Variants in STXBP5L observed in about 807,000 individuals in gnomAD.
STXBP5L encodes syntaxin-binding protein 5-like.
A neutral mutation model predicts 144.5 loss-of-function variants in STXBP5L; 65 were observed. That is an observed-to-expected ratio of 0.45 (90% confidence interval 0.37 to 0.55). The LOEUF (loss-of-function observed/expected upper bound fraction) is 0.55, where lower values mean the gene tolerates loss of function less well. Among genes scored for constraint, STXBP5L ranks in the 20% least tolerant of loss-of-function variants. The pLI, the probability that STXBP5L is intolerant of heterozygous loss-of-function variation, is 0.00. For synonymous variants in STXBP5L, 505 were observed against 469.6 expected, an observed-to-expected ratio of 1.08 and a Z score of -0.97; for missense variants, 1,298 against 1,405.5, an observed-to-expected ratio of 0.92 and a Z score of 1.22.
chr3:120,943,016 A>G (rs1294646449), intron 2 of STXBP5L, among the ~76,000 whole-genome samples: 1 of 151,738 alleles, frequency 6.6e-6, no homozygotes, highest in Non-Finnish European at 1.5e-5. Context: ...TAATGTCAAT[A>G]CAAATCCTTA....
At chr3:121,144,829 TA>T (rs1272782793) in intron 7 of STXBP5L, among the ~76,000 whole-genome samples, 6 of 151,930 alleles carry the variant, frequency 3.9e-5, no homozygotes, top group African/African-American at 1.4e-4. Flanking sequence ...TCAGCCTTAA[TA>T]AATAAGGAAA....
intron 3 of STXBP5L, among the ~76,000 whole-genome samples, chr3:121,022,080 G>C (rs1432317255): frequency 6.6e-6 from 1 of 152,000 alleles, no homozygotes; most frequent in Non-Finnish European, 1.5e-5. Flanking sequence ...AAATGAAACA[G>C]GAGATATTAC....
Position 121,017,617 on chromosome 3 carries a change from G to A in STXBP5L, c.288-24083G>A, listed in dbSNP as rs867332096. On this transcript the variant is annotated intron_variant, in intron 3 of 26. Coordinates refer to ENST00000471454, the MANE Select transcript of STXBP5L (RefSeq NM_001308330.2). The stretch of plus-strand genomic sequence containing the variant: ...CAGGATATGAGGTTAATATATGTAA[G>A]TCAGTTGCTTTCTTATATACCAGCA... Among the ~76,000 whole-genome samples the A allele has an allele frequency of 1.1e-4, 16 of 152,334 alleles. No individual in the cohort carries two copies. In the Middle Eastern group the frequency reaches 0.02, roughly 194 times the overall value.
intron 3 of STXBP5L, among the ~76,000 whole-genome samples, chr3:121,018,079 AAATG>A (rs767430655): frequency 6.1e-4 from 91 of 149,080 alleles, no homozygotes; most frequent in African/African-American, 1.7e-3. Flanking sequence ...GCCCTTTTTC[AAATG>A]AATGAATGAA....
rs971967822 is a variant in STXBP5L, at chr3:121,342,515, G to T, written c.2176+23975G>T. 1.6e-4 allele frequency among the ~76,000 whole-genome samples: 15 copies of T among 91,870 alleles called. 1 individual carries two copies. Among genetic ancestry groups the T allele is most frequent in the South Asian group, 6.8e-4 (2 of 2,940 alleles). 60.3% of individuals were successfully genotyped at this position (91,870 alleles called of 152,430 possible). On this transcript the variant is annotated intron_variant, in intron 20 of 26. Transcript: ENST00000471454. ...TTCCCCCCTCCCCCCACCCCACAAC[G>T]GTCCCCAGAGTGTGATGTTCCCCTT...
chr3:121,355,044 G>A (rs906794909), intron 20 of STXBP5L, among the ~76,000 whole-genome samples: 7 of 152,184 alleles, frequency 4.6e-5, no homozygotes, highest in African/African-American at 1.2e-4. Context: ...TAGGGTTTCT[G>A]CCAAGAGATC....
intron 6 of STXBP5L, 49 bp downstream of exon 6, chr3:121,115,108 G>T (rs1323618390): frequency 1.9e-6 from 3 of 1,538,622 alleles, no homozygotes; most frequent in Non-Finnish European, 2.6e-6. Flanking sequence ...ACTTCATACA[G>T]TTATGTAACA....
intron 9 of STXBP5L, among the ~76,000 whole-genome samples, chr3:121,188,103 T>C (rs2047476916): frequency 6.6e-6 from 1 of 152,090 alleles, no homozygotes; most frequent in South Asian, 2.1e-4. Flanking sequence ...TTTAACACTC[T>C]ACTGTCAGTA....
intron 18 of STXBP5L, among the ~76,000 whole-genome samples, chr3:121,259,771 G>A (rs986473615): frequency 3.3e-5 from 5 of 150,790 alleles, no homozygotes; most frequent in Non-Finnish European, 7.4e-5. Flanking sequence ...TTATGTTCAT[G>A]TATGCCAGTT....
chr3:121,366,539 G>T (rs990661861), intron 20 of STXBP5L, among the ~76,000 whole-genome samples: 12 of 151,868 alleles, frequency 7.9e-5, no homozygotes, highest in African/African-American at 2.9e-4. Context: ...AGACCATTTT[G>T]TCTGATATTG....
intron 20 of STXBP5L, among the ~76,000 whole-genome samples, chr3:121,356,247 A>G (rs1014853052): frequency 9.2e-5 from 14 of 152,238 alleles, no homozygotes; most frequent in African/African-American, 3.4e-4. Context: ...GGGACATTTA[A>G]GTCTGCAGAA....
chr3:121,038,915 T>G (rs940470224), intron 3 of STXBP5L, among the ~76,000 whole-genome samples: 6 of 151,980 alleles, frequency 3.9e-5, no homozygotes, highest in Admixed American at 3.3e-4. Context: ...TCCACCTATA[T>G]CTTAATTAAT....
rs529194761 is a variant in STXBP5L, at chr3:121,407,882, A to G, written c.2948+279A>G. On this transcript the variant is annotated intron_variant, in intron 23 of 26. Coordinates refer to ENST00000471454, the MANE Select transcript of STXBP5L (RefSeq NM_001308330.2). ...CTAAGAAAAGAATGATTTTTCAATC[A>G]TTCAACAAATATTTATTGAGCATAT... Among the ~76,000 whole-genome samples, 4 of 152,168 alleles carry G rather than the reference A, an allele frequency of 2.6e-5. No homozygotes were observed. In the South Asian group the frequency reaches 8.3e-4, roughly 31 times the overall value.
rs1276720705 is a variant in STXBP5L at position 121,423,889 on chromosome 3, C to A, written c.*4792C>A. On this transcript the variant is annotated 3_prime_UTR_variant, in exon 27 of 27. Transcript: ENST00000471454. ...TGAGAATTTCTGACCAGGCAGTGCT[C>A]CATCAACTCTTAATAATCATCTTTG... 1 of 152,178 alleles carries A rather than the reference C, an allele frequency of 6.6e-6. No individual in the cohort carries two copies. The highest frequency in any genetic ancestry group is 2.4e-5 in the African/African-American group (1 of 41,426). The allele number at this position is 152,178 out of a possible 1,614,324, so 9.4% of individuals were successfully genotyped here. A position where few individuals can be genotyped will look rare whatever the true frequency, so the allele number is the denominator to read the frequency against.
intron 9 of STXBP5L, among the ~76,000 whole-genome samples, chr3:121,162,029 A>G (rs2108021564): frequency 6.6e-6 from 1 of 152,286 alleles, no homozygotes; most frequent in Non-Finnish European, 1.5e-5. Context: ...ATTACATGTA[A>G]CAGTAGAATT....
At chr3:121,262,765 AAACATACCCAT>A (rs1416650156) in intron 18 of STXBP5L, among the ~76,000 whole-genome samples, 1 of 152,206 alleles carries the variant, frequency 6.6e-6, no homozygotes, top group Non-Finnish European at 1.5e-5. Context: ...AGCACAAGGT[AAACATACCCAT>A]TCTAAAAGGA....
At chr3:121,237,491 T>C (rs1363321341) in intron 12 of STXBP5L, among the ~76,000 whole-genome samples, 1 of 152,218 alleles carries the variant, frequency 6.6e-6, no homozygotes, top group Non-Finnish European at 1.5e-5. Flanking sequence ...ATTTCTGAAA[T>C]GCCTTTTGTC....
intron 5 of STXBP5L, among the ~76,000 whole-genome samples, chr3:121,053,042 C>T (rs559164679): frequency 7.9e-5 from 12 of 152,182 alleles, no homozygotes; most frequent in Non-Finnish European, 1.3e-4. Flanking sequence ...CTTACAGGGA[C>T]GTGAAGGACC....
intron 5 of STXBP5L, among the ~76,000 whole-genome samples, chr3:121,062,920 AG>A (rs1450845961): frequency 2.0e-5 from 3 of 152,060 alleles, no homozygotes; most frequent in African/African-American, 7.2e-5. Flanking sequence ...CCTTTTTTCT[AG>A]GTTCTTAGCT....
Sources: allele counts gnomAD v4.1 joint callset (sites outside exome capture counted in the v4.1 genomes callset), GRCh38; gene constraint gnomAD v4.1.1; transcripts MANE v1.5; gene names NCBI Gene and HGNC (gene_info 2026-07-23, HGNC 2026-07-21).